Variants in SEPTIN14 observed in about 807,000 individuals in gnomAD.
SEPTIN14 encodes septin-14.
A neutral mutation model predicts 53.6 loss-of-function variants in SEPTIN14; 40 were observed. The ratio of observed to expected loss-of-function variants is 0.75; its 90% CI spans 0.58 to 0.97. The LOEUF (loss-of-function observed/expected upper bound fraction) is 0.97. SEPTIN14 is among the 50% of genes least tolerant of loss of function. SEPTIN14 has a pLI of 0.00. For missense variants in SEPTIN14, 471 were observed against 508.2 expected (o/e 0.93, Z 0.70); for synonymous variants, 138 against 166.8 (o/e 0.83, Z 1.33).
At chr7:55,819,005 T>C (rs982910531) in intron 7 of SEPTIN14, 122 bp downstream of exon 7, 11 of 637,362 alleles carry the variant, frequency 1.7e-5, no homozygotes, top group African/African-American at 1.3e-4. Context: ...TTAGTAACTG[T>C]TAACTTACAG....
In SEPTIN14 at chr7:55,844,539, T is replaced by C; in HGVS notation, c.355A>G (p.Ile119Val). The change falls in exon 4 of 10, where the codon ATA becomes GTA. Residue 119 changes from isoleucine to valine, a missense_variant. Physicochemically the swap from Ile to Val is conservative, Grantham distance 29. Transcript: ENST00000388975. ...VVETVGYGDQ[I>V]DKEASYQPIV... ...AACACTCACCTGGCTTCTTTGTCTATTTGATCACCATACCCTACTGTCTCC... is the reference window on the plus strand; with the variant it reads ...AACACTCACCTGGCTTCTTTGTCTACTTGATCACCATACCCTACTGTCTCC... The C allele has an allele frequency of 6.7e-7, 1 of 1,499,294 alleles. No homozygotes were observed. 92.9% of individuals were successfully genotyped at this position (1,499,294 alleles called of 1,614,324 possible).
chr7:55,838,242 C>T (rs1789244000), intron 5 of SEPTIN14, among the ~76,000 whole-genome samples: 2 of 152,146 alleles, frequency 1.3e-5, no homozygotes, highest in African/African-American at 4.8e-5. Context: ...TTATGCTTTT[C>T]TTAGCTGTTT....
At chr7:55,811,872 C>T (rs1788712273) in intron 7 of SEPTIN14, among the ~76,000 whole-genome samples, 1 of 151,732 alleles carries the variant, frequency 6.6e-6, no homozygotes, top group South Asian at 2.1e-4. Flanking sequence ...CGGCTCACTG[C>T]CACCTCCGCC....
intron 6 of SEPTIN14, among the ~76,000 whole-genome samples, chr7:55,827,830 C>T (rs1305552878): frequency 6.6e-6 from 1 of 152,134 alleles, no homozygotes; most frequent in East Asian, 1.9e-4. Context: ...GGTTAAACTA[C>T]ACAAATCAAT....
intron 2 of SEPTIN14, among the ~76,000 whole-genome samples, chr7:55,850,346 T>C (rs1379661088): frequency 6.6e-6 from 1 of 152,144 alleles, no homozygotes; most frequent in African/African-American, 2.4e-5. Flanking sequence ...GGCACGTGCC[T>C]GTAATCCCAG....
At position 55,805,050 on chromosome 7, in the gene SEPTIN14, T is replaced by C. The variant is rs1788590140; in HGVS notation, c.1119+208A>G. 2.0e-5 allele frequency among the ~76,000 whole-genome samples: 3 copies of C among 152,152 alleles called. 1 individual carries two copies. In the South Asian group the frequency reaches 6.2e-4, roughly 31 times the overall value. ...TTTTATAAAATTATCTTCAGGGTTA[T>C]TTAAATGGGAAAATTAAGTTCTCTA... On this transcript the variant is annotated intron_variant, in intron 9 of 9. Coordinates refer to ENST00000388975, the MANE Select transcript of SEPTIN14 (RefSeq NM_207366.3).
Position 55,807,118 on chromosome 7 carries a change from C to T in SEPTIN14, c.958G>A (p.Asp320Asn), listed in dbSNP as rs148690691. The change falls in exon 8 of 10, where the codon GAT (aspartate) becomes AAT (asparagine). Residue 320 changes from aspartate (D) to asparagine (N), a missense_variant. Transcript: ENST00000388975. ...YQKLQKMGFT[D>N]VGPNNQPVSF... ...ACTGGCTGGTTGTTTGGACCCACATCTGTAAAGCCCATTTTCTGCAGTTTT... is the reference window on the plus strand; with the variant it reads ...ACTGGCTGGTTGTTTGGACCCACATTTGTAAAGCCCATTTTCTGCAGTTTT... 183 of 1,601,674 alleles carry T rather than the reference C, an allele frequency of 1.1e-4. 1 individual carries two copies. The African/African-American group carries it at 2.2e-3, about 19-fold the overall frequency.
intron 4 of SEPTIN14, 87 bp from the exon 5 acceptor site, chr7:55,843,215 T>C: frequency 4.2e-6 from 3 of 716,256 alleles, no homozygotes; most frequent in South Asian, 4.6e-5. Flanking sequence ...TTAACATGTA[T>C]GTAAGCAGTT....
At position 55,846,606 on chromosome 7, in the gene SEPTIN14, G is replaced by T; in HGVS notation, c.86C>A (p.Thr29Lys). 6.7e-7 allele frequency: 1 copy of T among 1,491,160 alleles called. No individual in the cohort carries two copies. Among genetic ancestry groups the T allele is most frequent in the Non-Finnish European group, 9.3e-7 (1 of 1,073,678 alleles). 92.4% of individuals were successfully genotyped at this position (1,491,160 alleles called of 1,614,324 possible). The change falls in exon 3 of 10, where the codon ACG (threonine) becomes AAG (lysine). Residue 29 changes from threonine to lysine, a missense_variant. Thr to Lys is a moderately conservative substitution (Grantham distance 78). Coordinates refer to ENST00000388975, the MANE Select transcript of SEPTIN14 (RefSeq NM_207366.3). ...ACATTCAAAACCAAAATGTCCAATC[G>T]TAGTTAAACAACGAATATTATTTTC... is the stretch of plus-strand genomic sequence containing the variant. The part of the protein sequence containing the change: ...QKENNIRCLT[T>K]IGHFGFECLP...
intron 2 of SEPTIN14, among the ~76,000 whole-genome samples, chr7:55,850,104 C>A (rs1789493600): frequency 6.6e-6 from 1 of 152,140 alleles, no homozygotes; most frequent in South Asian, 2.1e-4. Flanking sequence ...AAAATTCACA[C>A]AAACTCTCTA....
chr7:55,826,100 CAA>C (rs756995660), intron 6 of SEPTIN14, among the ~76,000 whole-genome samples: 9 of 120,282 alleles, frequency 7.5e-5, no homozygotes, highest in African/African-American at 6.2e-5. Flanking sequence ...GACTCCGTCT[CAA>C]AAAAAAAAAA....
At position 55,844,553 on chromosome 7, in the gene SEPTIN14, C is replaced by CCTA; in HGVS notation, c.338_340dup (p.Val113dup). The CCTA allele has an allele frequency of 6.3e-7, 1 of 1,584,818 alleles. No individual in the cohort carries two copies. Among genetic ancestry groups the CCTA allele is most frequent in the Non-Finnish European group, 8.6e-7 (1 of 1,161,164 alleles). On this transcript the variant is annotated inframe_insertion, in exon 4 of 10. Transcript: ENST00000388975. ...TTCTTTGTCTATTTGATCACCATAC[C>CCTA]CTACTGTCTCCACAACAGTCAATTT...
chr7:55,862,158 G>C, intron 1 of SEPTIN14, 147 bp from the exon 2 acceptor site: 2 of 580,536 alleles, frequency 3.4e-6, no homozygotes, highest in Non-Finnish European at 5.9e-6. Flanking sequence ...TTTAAACTGT[G>C]GCTGTCTTGC....
intron 6 of SEPTIN14, among the ~76,000 whole-genome samples, chr7:55,833,300 G>C (rs544004040): frequency 3.3e-5 from 5 of 151,518 alleles, no homozygotes; most frequent in African/African-American, 9.7e-5. Context: ...GGGCAACAGA[G>C]AGAGACTCCG....
intron 6 of SEPTIN14, among the ~76,000 whole-genome samples, chr7:55,822,470 T>C (rs1374750353): frequency 2.0e-5 from 3 of 152,034 alleles, no homozygotes; most frequent in African/African-American, 4.8e-5. Context: ...AAGAACAAAA[T>C]TGGAAGACAT....
Position 55,837,986 on chromosome 7 carries a change from T to C in SEPTIN14, c.559-3400A>G, listed in dbSNP as rs553234961. Among the ~76,000 whole-genome samples, 31 of 152,338 alleles carry C rather than the reference T, an allele frequency of 2.0e-4. No individual in the cohort carries two copies. The East Asian group carries it at 4.4e-3, about 22-fold the overall frequency. ...TTCAAAAGCTGCTTCCACTGACAAG[T>C]CCTGTGACCTTTACATATTCAAAAA... is the stretch of plus-strand genomic sequence containing the variant. On this transcript the variant is annotated intron_variant, in intron 5 of 9. Transcript: ENST00000388975.
At chr7:55,842,425 G>C (rs1003201973) in intron 5 of SEPTIN14, among the ~76,000 whole-genome samples, 1 of 151,938 alleles carries the variant, frequency 6.6e-6, no homozygotes, top group Non-Finnish European at 1.5e-5. Flanking sequence ...GGGCAACATA[G>C]TGACACCCTG....
intron 9 of SEPTIN14, chr7:55,798,640 T>A (rs530217397): frequency 1.2e-5 from 4 of 343,588 alleles, no homozygotes; most frequent in South Asian, 1.0e-4. Context: ...GCACTCATGA[T>A]CTTCAGCAAG....
At chr7:55,809,113 A>T (rs1268106147) in intron 7 of SEPTIN14, among the ~76,000 whole-genome samples, 1 of 152,122 alleles carries the variant, frequency 6.6e-6, no homozygotes, top group African/African-American at 2.4e-5. Flanking sequence ...CCTTTGCAGC[A>T]ACATGAATGG....
Sources: allele counts gnomAD v4.1 joint callset (sites outside exome capture counted in the v4.1 genomes callset), GRCh38; gene constraint gnomAD v4.1.1; transcripts MANE v1.5; gene names NCBI Gene and HGNC (gene_info 2026-07-23, HGNC 2026-07-21).